Variants in BSND observed in about 807,000 individuals in gnomAD.
BSND encodes the protein barttin.
A neutral mutation model predicts 18.8 loss-of-function variants in BSND; 13 were observed. The ratio of observed to expected loss-of-function variants is 0.69; its 90% CI spans 0.45 to 1.10. BSND has a LOEUF of 1.10. Ranked by LOEUF, BSND falls within the 50% of genes least tolerant of loss-of-function variation. BSND has a pLI of 0.00. For synonymous variants in BSND, 170 were observed against 161.8 expected, an observed-to-expected ratio of 1.05 and a Z score of -0.39; for missense variants, 379 against 416.7, an observed-to-expected ratio of 0.91 and a Z score of 0.79.
In BSND at chr1:55,008,620, C is replaced by T. The variant is rs1278199860; in HGVS notation, c.955C>T (p.Gln319Ter). The T allele has an allele frequency of 6.2e-7, 1 of 1,614,004 alleles. No individual in the cohort carries two copies. Among genetic ancestry groups the T allele is most frequent in the African/African-American group, 1.3e-5 (1 of 74,926 alleles). Residue 319 changes from glutamine to a stop codon, truncating the protein, a stop_gained, in exon 4 of 4, where the codon CAA (glutamine) becomes TAA (stop). Coordinates refer to ENST00000651561, the MANE Select transcript of BSND (RefSeq NM_057176.3). LOFTEE classifies it high-confidence loss of function. ...GGAGCTGGGTTTTGAGCCTGACACCCAAGGCTGAGATGTTTGTGCTCCGTA... is the reference window on the plus strand; with the variant it reads ...GGAGCTGGGTTTTGAGCCTGACACCTAAGGCTGAGATGTTTGTGCTCCGTA... Reference protein sequence around the residue: ...DKELGFEPDTQG With the variant: ...DKELGFEPDT
intron 1 of BSND, among the ~76,000 whole-genome samples, chr1:55,001,915 G>A (rs891765350): frequency 6.6e-6 from 1 of 152,226 alleles, no homozygotes; most frequent in Non-Finnish European, 1.5e-5. Flanking sequence ...GGAAGGTAAA[G>A]GTAGCGAGGG....
At chr1:55,003,030 A>G (rs2101646600) in intron 1 of BSND, among the ~76,000 whole-genome samples, 1 of 13,732 alleles carries the variant, frequency 7.3e-5, no homozygotes, top group Admixed American at 6.5e-4. Context: ...GATGATGATG[A>G]TGATGATGAT....
Position 55,010,119 on chromosome 1 carries a change from TAA to T in BSND, c.*1493_*1494del, listed in dbSNP as rs998245473. On this transcript the variant is annotated 3_prime_UTR_variant, in exon 4 of 4. Transcript: ENST00000651561. ...GATATTGAGCTGTGATCTCTAGGGGTAAAGAGACATGAACTACTGACACCGTG... is the reference window on the plus strand; with the variant it reads ...GATATTGAGCTGTGATCTCTAGGGGTAGAGACATGAACTACTGACACCGTG... 1 of 151,964 alleles carries T rather than the reference TAA, an allele frequency of 6.6e-6. No individual in the cohort carries two copies. The highest frequency in any genetic ancestry group is 2.4e-5 in the African/African-American group (1 of 41,348). The allele number at this position is 151,964 out of a possible 1,614,324, so 9.4% of individuals were successfully genotyped here. A position where few individuals can be genotyped will look rare whatever the true frequency, so the allele number is the denominator to read the frequency against.
Position 55,016,601 on chromosome 1 carries a change from G to GTTGTTGT in BSND, c.*7978_*7979insGTTTGTT, listed in dbSNP as rs1553133394. On this transcript the variant is annotated 3_prime_UTR_variant, in exon 4 of 4. Coordinates refer to ENST00000651561, the MANE Select transcript of BSND (RefSeq NM_057176.3). ...TTATTCTAGTTTTGTTGTTGTTGTT[G>GTTGTTGT]TTGTTTGTTTGTTGTTTTGAGACAA... Among the ~76,000 whole-genome samples, 4 of 151,414 alleles carry GTTGTTGT rather than the reference G, an allele frequency of 2.6e-5. No individual in the cohort carries two copies. Among genetic ancestry groups the GTTGTTGT allele is most frequent in the Admixed American group, 6.6e-5 (1 of 15,260 alleles).
Position 55,009,853 on chromosome 1 carries a change from GC to G in BSND, c.*1226del, listed in dbSNP as rs1273805549. The G allele has an allele frequency of 6.6e-6, 1 of 152,202 alleles. No homozygotes were observed. The highest frequency in any genetic ancestry group is 2.4e-5 in the African/African-American group (1 of 41,430). The allele number at this position is 152,202 out of a possible 1,614,324, so 9.4% of individuals were successfully genotyped here. ...GGCCAGGAGTTGGAGAGCAGCCTGG[GC>G]AACATAGCGAAACCCTATCTCTACT... On this transcript the variant is annotated 3_prime_UTR_variant, in exon 4 of 4. Transcript: ENST00000651561.
At chr1:55,002,957 GGTGATA>G in intron 1 of BSND, among the ~76,000 whole-genome samples, 1 of 139,270 alleles carries the variant, frequency 7.2e-6, no homozygotes, top group South Asian at 2.4e-4. Context: ...GAATGGTAAT[GGTGATA>G]ATGGTGATGA....
rs552959069 is a variant in BSND, at chr1:55,016,965, C to T, written c.*8337C>T. On this transcript the variant is annotated 3_prime_UTR_variant, in exon 4 of 4. Transcript: ENST00000651561. ...GAATCAAATCCCCTATCACCACTCT[C>T]ACAGCACCACAGATCTCTCTCCTTT... is the stretch of plus-strand genomic sequence containing the variant. Among the ~76,000 whole-genome samples, 2 of 152,324 alleles carry T rather than the reference C, an allele frequency of 1.3e-5. No homozygotes were observed. Among genetic ancestry groups the T allele is most frequent in the East Asian group, 1.9e-4 (1 of 5,186 alleles).
At position 55,014,603 on chromosome 1, in the gene BSND, C is replaced by G. The variant is rs1029248230; in HGVS notation, c.*5975C>G. On this transcript the variant is annotated 3_prime_UTR_variant, in exon 4 of 4. Transcript: ENST00000651561. ...CTACAAGCACTGTGTCATCCAAGCA[C>G]ATGTATAATTCGAGCTTTGTATCGT... 6.6e-6 allele frequency among the ~76,000 whole-genome samples: 1 copy of G among 152,210 alleles called. No homozygotes were observed. The highest frequency in any genetic ancestry group is 6.5e-5 in the Admixed American group (1 of 15,280).
chr1:54,999,295 T>A lies in BSND; in HGVS notation c.109T>A (p.Phe37Ile), dbSNP rs372605621. ...SHDRPQVYGT[F>I]YAMGSVMVIG... ...TGATCGGCCCCAGGTCTACGGCACC[T>A]TCTATGCCATGGGCAGCGTCATGGT... Residue 37 changes from phenylalanine to isoleucine, a missense_variant, in exon 1 of 4, where the codon TTC (phenylalanine) becomes ATC (isoleucine). Coordinates refer to ENST00000651561, the MANE Select transcript of BSND (RefSeq NM_057176.3). 1.9e-6 allele frequency: 3 copies of A among 1,613,972 alleles called. No individual in the cohort carries two copies. Among genetic ancestry groups the A allele is most frequent in the Non-Finnish European group, 2.5e-6 (3 of 1,180,026 alleles).
At chr1:55,007,378 G>C in intron 3 of BSND, 106 bp downstream of exon 3, 1 of 1,369,970 alleles carries the variant, frequency 7.3e-7, no homozygotes. Context: ...GGGGTAAGGA[G>C]AGGGCAGTGG....
rs897512785 is a variant in BSND, at chr1:55,009,503, G to A, written c.*875G>A. ...GGCCCAGAATCGGTGGTCATCAAGGGTGTACAGAACTCACCAGGACCCAGG... is the reference window on the plus strand; with the variant it reads ...GGCCCAGAATCGGTGGTCATCAAGGATGTACAGAACTCACCAGGACCCAGG... On this transcript the variant is annotated 3_prime_UTR_variant, in exon 4 of 4. Transcript: ENST00000651561. 1 of 152,162 alleles carries A rather than the reference G, an allele frequency of 6.6e-6. No individual in the cohort carries two copies. Among genetic ancestry groups the A allele is most frequent in the African/African-American group, 2.4e-5 (1 of 41,418 alleles). 9.4% of individuals were successfully genotyped at this position (152,162 alleles called of 1,614,324 possible). A position where few individuals can be genotyped will look rare whatever the true frequency, so the allele number is the denominator to read the frequency against.
At chr1:54,999,488 G>C in intron 1 of BSND, 125 bp downstream of exon 1, 1 of 1,022,352 alleles carries the variant, frequency 9.8e-7, no homozygotes, top group Non-Finnish European at 1.4e-6. Flanking sequence ...ATTTTGACTC[G>C]GTCTTCTCTC....
chr1:55,011,850 CCT>C lies in BSND; in HGVS notation c.*3226_*3227del, dbSNP rs1553132995. The stretch of plus-strand genomic sequence containing the variant: ...GAGCATCAGAGCCTCTGGGGCACCC[CCT>C]CTCCACTGGGAGAGGGGCAAGGTGC... On this transcript the variant is annotated 3_prime_UTR_variant, in exon 4 of 4. Transcript: ENST00000651561. 3.3e-5 allele frequency: 5 copies of C among 152,256 alleles called. No homozygotes were observed. Among genetic ancestry groups the C allele is most frequent in the African/African-American group, 4.8e-5 (2 of 41,456 alleles). The allele number at this position is 152,256 out of a possible 1,614,324, so 9.4% of individuals were successfully genotyped here.
intron 1 of BSND, 89 bp from the exon 2 acceptor site, chr1:55,004,933 C>T: frequency 8.1e-7 from 1 of 1,227,510 alleles, no homozygotes; most frequent in South Asian, 1.2e-5. Context: ...TCTCCCAGAG[C>T]TCATGGAGAG....
intron 1 of BSND, among the ~76,000 whole-genome samples, chr1:55,004,595 G>A (rs1271360273): frequency 6.6e-6 from 1 of 152,220 alleles, no homozygotes; most frequent in African/African-American, 2.4e-5. Context: ...TGCAGCCCAT[G>A]TGGCAAAAAC....
rs914869653 is a variant in BSND, at chr1:55,016,185, A to G, written c.*7557A>G. Reference sequence around the variant, plus strand: ...AGAGCTGCCCAAAGAATGGGTAGGAACATGTCTGAAAGAGGTTACAGTTCC... The same window carrying G: ...AGAGCTGCCCAAAGAATGGGTAGGAGCATGTCTGAAAGAGGTTACAGTTCC... On this transcript the variant is annotated 3_prime_UTR_variant, in exon 4 of 4. Coordinates refer to ENST00000651561, the MANE Select transcript of BSND (RefSeq NM_057176.3). 1.5e-4 allele frequency among the ~76,000 whole-genome samples: 23 copies of G among 152,328 alleles called. No homozygotes were observed. The highest frequency in any genetic ancestry group is 5.3e-4 in the African/African-American group (22 of 41,574).
intron 1 of BSND, among the ~76,000 whole-genome samples, 153 bp downstream of exon 1, chr1:54,999,516 G>A (rs1276728012): frequency 1.4e-5 from 2 of 143,654 alleles, no homozygotes; most frequent in African/African-American, 2.8e-5. Flanking sequence ...CTGAGCGTCT[G>A]TCCCATCCAT....
Position 55,015,702 on chromosome 1 carries a change from G to A in BSND, c.*7074G>A, listed in dbSNP as rs1254971155. Among the ~76,000 whole-genome samples, 1 of 152,148 alleles carries A rather than the reference G, an allele frequency of 6.6e-6. No homozygotes were observed. Among genetic ancestry groups the A allele is most frequent in the Non-Finnish European group, 1.5e-5 (1 of 68,038 alleles). Reference sequence around the variant, plus strand: ...TGCTTTGTGCCACCCCCTGTGCTAGGTACTGGGGGAAGAGACATGCATCTG... The same window carrying A: ...TGCTTTGTGCCACCCCCTGTGCTAGATACTGGGGGAAGAGACATGCATCTG... On this transcript the variant is annotated 3_prime_UTR_variant, in exon 4 of 4. Coordinates refer to ENST00000651561, the MANE Select transcript of BSND (RefSeq NM_057176.3).
In BSND at chr1:55,011,055, T is replaced by G. The variant is rs766429649; in HGVS notation, c.*2427T>G. On this transcript the variant is annotated 3_prime_UTR_variant, in exon 4 of 4. Transcript: ENST00000651561. ...GCTGTGTGGTGCTGAATCTCAGGAG[T>G]GATTCCCCACACCCCTGAACCACAA... is the stretch of plus-strand genomic sequence containing the variant. 1 of 151,502 alleles carries G rather than the reference T, an allele frequency of 6.6e-6. No homozygotes were observed. Among genetic ancestry groups the G allele is most frequent in the Non-Finnish European group, 1.5e-5 (1 of 67,888 alleles). The allele number at this position is 151,502 out of a possible 1,614,324, so 9.4% of individuals were successfully genotyped here.
Sources: gnomAD v4.1 joint callset for allele counts (sites outside exome capture counted in the v4.1 genomes callset) on GRCh38, gnomAD v4.1.1 for gene constraint, MANE v1.5 for transcripts, NCBI Gene and HGNC (gene_info 2026-07-23, HGNC 2026-07-21) for gene names.